The following MSRB3 variants were observed in gnomAD, a reference collection of about 807,000 sequenced individuals.
The protein encoded by MSRB3 is methionine sulfoxide reductase B3.
Under a neutral mutation model 21.0 loss-of-function variants are expected in MSRB3, and 13 were observed. The ratio of observed to expected loss-of-function variants is 0.62; its 90% CI spans 0.40 to 0.98. The LOEUF is 0.98. MSRB3 is among the 50% of genes least tolerant of loss of function. The pLI, the probability that MSRB3 is intolerant of heterozygous loss-of-function variation, is 0.00. For synonymous variants in MSRB3, 87 were observed against 88.6 expected, an observed-to-expected ratio of 0.98 and a Z score of 0.10; for missense variants, 199 against 230.3, an observed-to-expected ratio of 0.86 and a Z score of 0.88.
At chr12:65,432,468 T>A (rs1043626756) in intron 5 of MSRB3, among the ~76,000 whole-genome samples, 1 of 151,974 alleles carries the variant, frequency 6.6e-6, no homozygotes, top group Admixed American at 6.6e-5. Flanking sequence ...GAGATATATA[T>A]GTTAACACAA....
At position 65,465,244 on chromosome 12, in the gene MSRB3, C is replaced by T. The variant is rs1883513527; in HGVS notation, c.*1922C>T. 6.6e-6 allele frequency: 1 copy of T among 152,152 alleles called. No homozygotes were observed. The highest frequency in any genetic ancestry group is 2.4e-5 in the African/African-American group (1 of 41,440). 9.4% of individuals were successfully genotyped at this position (152,152 alleles called of 1,614,324 possible). A position where few individuals can be genotyped will look rare whatever the true frequency, so the allele number is the denominator to read the frequency against. On this transcript the variant is annotated 3_prime_UTR_variant, in exon 7 of 7. Coordinates refer to ENST00000308259, the MANE Select transcript of MSRB3 (RefSeq NM_001031679.3). ...GTCACTGTGCACAATAAAGTTTTCA[C>T]AAGTATAAACAATGGTGATGTAAGT...
At chr12:65,460,579 T>C (rs758191498) in intron 6 of MSRB3, among the ~76,000 whole-genome samples, 8 of 152,198 alleles carry the variant, frequency 5.3e-5, no homozygotes, top group Non-Finnish European at 1.2e-4. Flanking sequence ...GCTATGACTC[T>C]TCCAGAACAC....
chr12:65,316,406 T>C (rs1246269244), intron 2 of MSRB3: 2 of 151,912 alleles, frequency 1.3e-5, no homozygotes, highest in Non-Finnish European at 2.9e-5. Context: ...GTCTGGGAAA[T>C]GTCATGGGTT....
chr12:65,279,127 C>CACCT, intron 1 of MSRB3: 5 of 1,320,774 alleles, frequency 3.8e-6, no homozygotes, highest in Non-Finnish European at 4.9e-6. Flanking sequence ...GCCTCACTGA[C>CACCT]ACCTTATCCT....
intron 5 of MSRB3, among the ~76,000 whole-genome samples, chr12:65,389,767 G>A (rs918672345): frequency 6.6e-6 from 1 of 152,014 alleles, no homozygotes; most frequent in African/African-American, 2.4e-5. Context: ...TAAATTCCCC[G>A]GAAAAATCCT....
intron 5 of MSRB3, among the ~76,000 whole-genome samples, chr12:65,433,787 A>G (rs1881992765): frequency 6.6e-6 from 1 of 151,744 alleles, no homozygotes; most frequent in Non-Finnish European, 1.5e-5. Flanking sequence ...TTGGGTTTAT[A>G]TTTTGCATGT....
intron 6 of MSRB3, among the ~76,000 whole-genome samples, chr12:65,459,820 A>G (rs1280837372): frequency 6.6e-6 from 1 of 152,210 alleles, no homozygotes; most frequent in Non-Finnish European, 1.5e-5. Context: ...TATGTATACA[A>G]TTGAGAACTG....
rs1005590526 is a variant in MSRB3 at position 65,412,054 on chromosome 12, G to A, written c.293-41674G>A. 6.6e-5 allele frequency among the ~76,000 whole-genome samples: 10 copies of A among 151,986 alleles called. No homozygotes were observed. In the East Asian group the frequency reaches 9.6e-4, roughly 15 times the overall value. ...AATCCAGGGCTGTGTTCATGAGACC[G>A]CACTTCCTATGACTATAGTCATGTT... On this transcript the variant is annotated intron_variant, in intron 5 of 6. Transcript: ENST00000308259.
At chr12:65,322,897 A>G (rs1018384956) in intron 2 of MSRB3, among the ~76,000 whole-genome samples, 1 of 152,178 alleles carries the variant, frequency 6.6e-6, no homozygotes, top group Non-Finnish European at 1.5e-5. Flanking sequence ...TGTGCCTGGC[A>G]TGTAGGAGGA....
In MSRB3 at chr12:65,396,077, A is replaced by G. The variant is rs1879763514; in HGVS notation, c.292+27051A>G. ...TTTGCTGTTCCTTCTTTAGTTCCCT[A>G]AGATGGAAGCTTAAATGATTGGTTA... On this transcript the variant is annotated intron_variant, in intron 5 of 6. Transcript: ENST00000308259. Among the ~76,000 whole-genome samples, 6 of 152,166 alleles carry G rather than the reference A, an allele frequency of 3.9e-5. No individual in the cohort carries two copies. In the South Asian group the frequency reaches 1.0e-3, roughly 26 times the overall value.
chr12:65,310,142 A>T (rs1169737440), intron 2 of MSRB3, among the ~76,000 whole-genome samples: 1 of 152,118 alleles, frequency 6.6e-6, no homozygotes, highest in Non-Finnish European at 1.5e-5. Context: ...TTAAAAGTAG[A>T]TCTTATGTCT....
Position 65,355,222 on chromosome 12 carries a change from G to GT in MSRB3, c.264-13770dup, listed in dbSNP as rs557305069. Among the ~76,000 whole-genome samples, 70 of 151,796 alleles carry GT rather than the reference G, an allele frequency of 4.6e-4. 1 individual carries two copies. The highest frequency in any genetic ancestry group is 3.4e-3 in the Middle Eastern group (1 of 294). ...CTATGAGATTAGTTTTCAGTATTCC[G>GT]TTTTTTGGATTAGCTAGTTTCTTAG... On this transcript the variant is annotated intron_variant, in intron 4 of 6. Coordinates refer to ENST00000308259, the MANE Select transcript of MSRB3 (RefSeq NM_001031679.3).
intron 1 of MSRB3, chr12:65,286,571 G>A (rs1167547527): frequency 1.3e-5 from 2 of 152,078 alleles, no homozygotes; most frequent in Non-Finnish European, 2.9e-5. Flanking sequence ...GCCGTGACAT[G>A]TCTTCTGTTA....
In MSRB3 at chr12:65,416,873, C is replaced by T. The variant is rs371820681; in HGVS notation, c.293-36855C>T. Among the ~76,000 whole-genome samples the T allele has an allele frequency of 2.3e-4, 35 of 152,216 alleles. 1 individual carries two copies. The East Asian group carries it at 5.4e-3, about 24-fold the overall frequency. On this transcript the variant is annotated intron_variant, in intron 5 of 6. Coordinates refer to ENST00000308259, the MANE Select transcript of MSRB3 (RefSeq NM_001031679.3). ...TACAGTTGCCCTTCTATTGCCAACT[C>T]GATAGTGTGTAGCCTTGGATTCTCT...
intron 5 of MSRB3, among the ~76,000 whole-genome samples, chr12:65,402,462 C>T (rs879654342): frequency 6.6e-6 from 1 of 152,126 alleles, no homozygotes; most frequent in African/African-American, 2.4e-5. Flanking sequence ...TCAGGTCCAT[C>T]GGGGTCACTT....
chr12:65,306,851 C>G (rs1873681974), intron 1 of MSRB3: 1 of 985,694 alleles, frequency 1.0e-6, no homozygotes, highest in African/African-American at 1.7e-5. Context: ...TTGTTCTTTC[C>G]CTGACCTGCA....
chr12:65,449,052 G>C (rs1485966292), intron 5 of MSRB3, among the ~76,000 whole-genome samples: 1 of 151,958 alleles, frequency 6.6e-6, no homozygotes, highest in Non-Finnish European at 1.5e-5. Context: ...TTTTTGAGAC[G>C]GAGTCTTGCT....
At position 65,466,280 on chromosome 12, in the gene MSRB3, A is replaced by C. The variant is rs1057448419; in HGVS notation, c.*2958A>C. ...CAGATTGCTTTTGGGTTTAAGTGGT[A>C]TCAAATTTCAGTATATTTCTGTCTT... On this transcript the variant is annotated 3_prime_UTR_variant, in exon 7 of 7. Transcript: ENST00000308259. The C allele has an allele frequency of 6.6e-6, 1 of 152,198 alleles. No individual in the cohort carries two copies. 9.4% of individuals were successfully genotyped at this position (152,198 alleles called of 1,614,324 possible).
At chr12:65,358,473 C>T (rs1359200357) in intron 4 of MSRB3, among the ~76,000 whole-genome samples, 1 of 151,774 alleles carries the variant, frequency 6.6e-6, no homozygotes, top group East Asian at 1.9e-4. Context: ...TCATATTGTT[C>T]CAGGTTTGGC....
Sources: allele counts gnomAD v4.1 joint callset (sites outside exome capture counted in the v4.1 genomes callset), GRCh38; gene constraint gnomAD v4.1.1; transcripts MANE v1.5; gene names NCBI Gene and HGNC (gene_info 2026-07-23, HGNC 2026-07-21).